The following N4BP2 variants were observed in gnomAD, a reference collection of about 807,000 sequenced individuals.
The protein encoded by N4BP2 is NEDD4-binding protein 2.
A neutral mutation model predicts 152.8 loss-of-function variants in N4BP2; 91 were observed. The ratio of observed to expected loss-of-function variants is 0.60; its 90% CI spans 0.50 to 0.71. The LOEUF (loss-of-function observed/expected upper bound fraction) is 0.71, where lower values mean the gene tolerates loss of function less well. Ranked by LOEUF, N4BP2 falls within the 30% of genes least tolerant of loss-of-function variation. The pLI, the probability that N4BP2 is intolerant of heterozygous loss-of-function variation, is 0.00. For missense variants in N4BP2, 1,923 were observed against 2,059.1 expected, an observed-to-expected ratio of 0.93 and a Z score of 1.28; for synonymous variants, 646 against 705.3, an observed-to-expected ratio of 0.92 and a Z score of 1.33.
Position 40,120,789 on chromosome 4 carries a change from AGAG to A in N4BP2, c.2680_2682del (p.Arg894del). On this transcript the variant is annotated inframe_deletion, in exon 9 of 18. Transcript: ENST00000261435. ...TGGCCTTCATCTGATTCTTTAGCTC[AGAG>A]GGAACACAGATCAAGAATGCCAAAG... is the stretch of plus-strand genomic sequence containing the variant. 6.2e-7 allele frequency: 1 copy of A among 1,614,220 alleles called. No individual in the cohort carries two copies. The highest frequency in any genetic ancestry group is 8.5e-7 in the Non-Finnish European group (1 of 1,180,030).
intron 7 of N4BP2, among the ~76,000 whole-genome samples, chr4:40,117,173 T>C (rs368254564): frequency 1.3e-5 from 2 of 152,334 alleles, no homozygotes; most frequent in South Asian, 2.1e-4. Flanking sequence ...TTCCGTCCCA[T>C]GCATTCTCTT....
intron 11 of N4BP2, among the ~76,000 whole-genome samples, chr4:40,124,943 C>G (rs1371824848): frequency 1.3e-5 from 2 of 152,166 alleles, no homozygotes; most frequent in East Asian, 3.8e-4. Context: ...TTTGGTACAT[C>G]CTGCCAACTT....
chr4:40,159,517 T>A (rs540560854), downstream of N4BP2, among the ~76,000 whole-genome samples: 7 of 152,238 alleles, frequency 4.6e-5, no homozygotes, highest in African/African-American at 1.7e-4. Context: ...TCTCTAACTG[T>A]CACATCTGTA....
At chr4:40,093,429 C>T (rs1239961702) in intron 2 of N4BP2, among the ~76,000 whole-genome samples, 1 of 151,296 alleles carries the variant, frequency 6.6e-6, no homozygotes, top group Non-Finnish European at 1.5e-5. Context: ...TTTTTTGAGA[C>T]AGAGTCTTGC....
Position 40,158,200 on chromosome 4 carries a change from T to G in N4BP2, c.*3963T>G, listed in dbSNP as rs914197886. ...TTATAAATTTGCTTTTAAATTTTCTTATGAAGCCATTTGCAAATTACATAC... is the reference window on the plus strand; with the variant it reads ...TTATAAATTTGCTTTTAAATTTTCTGATGAAGCCATTTGCAAATTACATAC... On this transcript the variant is annotated 3_prime_UTR_variant, in exon 18 of 18. Transcript: ENST00000261435. The G allele has an allele frequency of 6.6e-6, 1 of 152,244 alleles. No individual in the cohort carries two copies. Among genetic ancestry groups the G allele is most frequent in the Non-Finnish European group, 1.5e-5 (1 of 68,034 alleles). 9.4% of individuals were successfully genotyped at this position (152,244 alleles called of 1,614,324 possible). A position where few individuals can be genotyped will look rare whatever the true frequency, so the allele number is the denominator to read the frequency against.
At chr4:40,122,366 T>C in intron 9 of N4BP2, 57 bp downstream of exon 9, 6 of 1,216,150 alleles carry the variant, frequency 4.9e-6, no homozygotes, top group Admixed American at 2.5e-5. Context: ...CTACAGAGGG[T>C]TCTATTTTGT....
chr4:40,096,997 G>A (rs1488688307), intron 2 of N4BP2, among the ~76,000 whole-genome samples: 1 of 152,118 alleles, frequency 6.6e-6, no homozygotes. Context: ...ATGAAAAAAT[G>A]TATTGAAATA....
chr4:40,142,622 GTTT>G, intron 14 of N4BP2, 48 bp from the exon 15 acceptor site: 1 of 1,227,218 alleles, frequency 8.1e-7, no homozygotes, highest in East Asian at 2.8e-5. Flanking sequence ...TAAGGCATGA[GTTT>G]TTTTTTTAAC....
At chr4:40,058,115 C>G (rs570109538) in intron 1 of N4BP2, among the ~76,000 whole-genome samples, 1 of 152,318 alleles carries the variant, frequency 6.6e-6, no homozygotes, top group East Asian at 1.9e-4. Flanking sequence ...TCTCAGAAAA[C>G]AATGACTGAT....
intron 7 of N4BP2, among the ~76,000 whole-genome samples, chr4:40,115,762 C>G (rs1384830749): frequency 6.6e-6 from 1 of 151,812 alleles, no homozygotes; most frequent in Non-Finnish European, 1.5e-5. Flanking sequence ...ATTTTTTTGG[C>G]CTAGTTAAGT....
chr4:40,064,784 G>A (rs1428956724), intron 1 of N4BP2, among the ~76,000 whole-genome samples: 8 of 151,216 alleles, frequency 5.3e-5, no homozygotes, highest in Non-Finnish European at 1.2e-4. Flanking sequence ...GGTGTGATGG[G>A]GTAGAGATGG....
Position 40,122,281 on chromosome 4 carries a change from A to G in N4BP2, c.4170A>G (p.Glu1390=), listed in dbSNP as rs1388631020. 1 of 1,588,530 alleles carries G rather than the reference A, an allele frequency of 6.3e-7. No individual in the cohort carries two copies. The highest frequency in any genetic ancestry group is 2.3e-5 in the East Asian group (1 of 44,418). ...CTGAACTGGCTTTTCAACTTAATGA[A>G]TTATTTGGTCCTGTTGGTATTGATT... ...LPPELAFQLN[E]LFGPVGIDSG... The change falls in exon 9 of 18, where the codon GAA becomes GAG. Residue 1390 remains glutamate, a synonymous_variant. Coordinates refer to ENST00000261435, the MANE Select transcript of N4BP2 (RefSeq NM_018177.6).
the N4BP2 span, among the ~76,000 whole-genome samples, chr4:40,165,175 C>T: frequency 6.6e-6 from 1 of 151,542 alleles, no homozygotes; most frequent in African/African-American, 2.4e-5. Context: ...TCCTTAGAGT[C>T]ATGTTAATAG....
intron 10 of N4BP2, 130 bp from the exon 11 acceptor site, chr4:40,124,030 T>C (rs1465998723): frequency 3.6e-6 from 2 of 548,364 alleles, no homozygotes; most frequent in Non-Finnish European, 6.6e-6. Flanking sequence ...TTGTTTTACT[T>C]AGATTGAGTA....
Position 40,154,564 on chromosome 4 carries a change from T to A in N4BP2, c.*327T>A, listed in dbSNP as rs1455332260. ...CTTTGTATTAATTGTTGTATGACAT[T>A]TAGTAATGTCCTAAAAGTCTTTTGT... On this transcript the variant is annotated 3_prime_UTR_variant, in exon 18 of 18. Transcript: ENST00000261435. 1 of 239,216 alleles carries A rather than the reference T, an allele frequency of 4.2e-6. No homozygotes were observed. The highest frequency in any genetic ancestry group is 8.0e-6 in the Non-Finnish European group (1 of 125,104). The allele number at this position is 239,216 out of a possible 1,614,324, so 14.8% of individuals were successfully genotyped here.
intron 12 of N4BP2, among the ~76,000 whole-genome samples, chr4:40,131,271 TG>T (rs1398521872): frequency 6.6e-6 from 1 of 152,224 alleles, no homozygotes; most frequent in Non-Finnish European, 1.5e-5. Flanking sequence ...TGAGAATCTT[TG>T]TTTTCCCCTT....
chr4:40,058,368 A>G (rs2109878300), intron 1 of N4BP2, among the ~76,000 whole-genome samples: 1 of 152,270 alleles, frequency 6.6e-6, no homozygotes, highest in South Asian at 2.1e-4. Flanking sequence ...GGTCAGAAAT[A>G]AACAGTTTTG....
chr4:40,122,403 T>C, intron 9 of N4BP2, 94 bp downstream of exon 9: 1 of 806,588 alleles, frequency 1.2e-6, no homozygotes, highest in Non-Finnish European at 1.8e-6. Flanking sequence ...AGATGGAGTC[T>C]CGCTCTGTTG....
rs771059815 is a variant in N4BP2 at position 40,121,756 on chromosome 4, A to C, written c.3645A>C (p.Glu1215Asp). The C allele has an allele frequency of 2.7e-5, 43 of 1,613,828 alleles. No homozygotes were observed. Among genetic ancestry groups the C allele is most frequent in the Non-Finnish European group, 3.3e-5 (39 of 1,179,974 alleles). The change falls in exon 9 of 18, where the codon GAA becomes GAC. Residue 1215 changes from glutamate (E) to aspartate (D), a missense_variant. Glu to Asp is a conservative substitution (Grantham distance 45). Transcript: ENST00000261435. Reference sequence around the variant, plus strand: ...GAGCTGTCACTCCTGAAAACCATGAATCGATGACAAGTATATTTCCCAGTG... The same window carrying C: ...GAGCTGTCACTCCTGAAAACCATGACTCGATGACAAGTATATTTCCCAGTG... ...EMRAVTPENH[E>D]SMTSIFPSAA...
Sources: gnomAD v4.1 joint callset for allele counts (sites outside exome capture counted in the v4.1 genomes callset) on GRCh38, gnomAD v4.1.1 for gene constraint, MANE v1.5 for transcripts, NCBI Gene and HGNC (gene_info 2026-07-23, HGNC 2026-07-21) for gene names.